Variants in DLG2 observed in about 807,000 individuals in gnomAD.
DLG2 encodes the protein discs large MAGUK scaffold protein 2.
In DLG2, 45 loss-of-function variants were observed where a neutral mutation model predicts 132.5. The observed-to-expected ratio is 0.34, with a 90% CI of 0.27 to 0.44. The LOEUF (loss-of-function observed/expected upper bound fraction) is 0.44. DLG2 is among the 20% of genes least tolerant of loss of function. The probability of loss-of-function intolerance (pLI) is 1.00; values close to 1 mark genes in which losing one functional copy is unlikely to be tolerated. For synonymous variants in DLG2, 424 were observed against 419.6 expected, an observed-to-expected ratio of 1.01 and a Z score of -0.13; for missense variants, 1,045 against 1,196.9, an observed-to-expected ratio of 0.87 and a Z score of 1.87.
At chr11:84,912,140 A>C (rs2154077967) in intron 6 of DLG2, among the ~76,000 whole-genome samples, 1 of 140,742 alleles carries the variant, frequency 7.1e-6, no homozygotes, top group South Asian at 2.6e-4. Context: ...CTTGGCTTTC[A>C]CAATTTATTT....
At chr11:84,861,922 A>G (rs1183457127) in intron 6 of DLG2, among the ~76,000 whole-genome samples, 1 of 151,712 alleles carries the variant, frequency 6.6e-6, no homozygotes, top group Non-Finnish European at 1.5e-5. Flanking sequence ...CATTCTCAGT[A>G]AACTATCGCA....
chr11:85,008,288 A>T (rs2058873031), intron 6 of DLG2, among the ~76,000 whole-genome samples: 1 of 152,142 alleles, frequency 6.6e-6, no homozygotes, highest in African/African-American at 2.4e-5. Flanking sequence ...TAAAAATATG[A>T]TATAATAAAA....
chr11:85,543,769 T>C (rs2076123236), intron 3 of DLG2, among the ~76,000 whole-genome samples: 1 of 152,200 alleles, frequency 6.6e-6, no homozygotes, highest in Non-Finnish European at 1.5e-5. Flanking sequence ...ATGTTTGTCG[T>C]CTGCATAAAT....
intron 3 of DLG2, among the ~76,000 whole-genome samples, chr11:85,571,962 T>A (rs192691930): frequency 1.8e-4 from 27 of 152,280 alleles, no homozygotes. Context: ...GCAGGTTTTA[T>A]TTCCAGGGGT....
chr11:84,946,455 C>T (rs1720301299), intron 6 of DLG2, among the ~76,000 whole-genome samples: 1 of 152,020 alleles, frequency 6.6e-6, no homozygotes, highest in African/African-American at 2.4e-5. Flanking sequence ...TGTGTTATTC[C>T]CTTCAAGGCA....
chr11:85,084,729 C>A (rs190920914), intron 6 of DLG2, among the ~76,000 whole-genome samples: 68 of 152,226 alleles, frequency 4.5e-4, no homozygotes, highest in African/African-American at 1.5e-3. Context: ...ATAGACATAA[C>A]CTACCATTCC....
At chr11:84,976,361 G>A (rs186630796) in intron 6 of DLG2, among the ~76,000 whole-genome samples, 1 of 152,208 alleles carries the variant, frequency 6.6e-6, no homozygotes, top group Non-Finnish European at 1.5e-5. Context: ...ACGACTGTAA[G>A]ACTGAGTATA....
In DLG2 at chr11:83,620,837, T is replaced by A. The variant is rs920955821; in HGVS notation, c.1940+12374A>T. Among the ~76,000 whole-genome samples the A allele has an allele frequency of 1.6e-3, 180 of 112,590 alleles. 1 individual carries two copies. Among genetic ancestry groups the A allele is most frequent in the African/African-American group, 6.1e-3 (169 of 27,910 alleles). The allele number at this position is 112,590 out of a possible 152,430, so 73.9% of individuals were successfully genotyped here. On this transcript the variant is annotated intron_variant, in intron 19 of 27. Coordinates refer to ENST00000376104, the MANE Select transcript of DLG2 (RefSeq NM_001142699.3). ...GTGAGCCGAGATCCCGCCACTGCAC[T>A]CCAGCCTGGGCGACAGAGCGAGACT...
chr11:85,525,057 T>C (rs147746384), intron 3 of DLG2: 1 of 152,292 alleles, frequency 6.6e-6, no homozygotes, highest in African/African-American at 2.4e-5. Flanking sequence ...ACATGTAAAA[T>C]TATAACATTT....
At chr11:84,646,878 GGGACATCCTCTC>G (rs2099675640) in intron 6 of DLG2, among the ~76,000 whole-genome samples, 1 of 152,120 alleles carries the variant, frequency 6.6e-6, no homozygotes. Flanking sequence ...GTCTAATGAT[GGGACATCCTCTC>G]TTCACACATT....
At chr11:83,808,080 G>A (rs766796054) in intron 17 of DLG2, among the ~76,000 whole-genome samples, 3 of 151,926 alleles carry the variant, frequency 2.0e-5, no homozygotes, top group Non-Finnish European at 4.4e-5. Context: ...CAGCAGCCTC[G>A]TGCCGGTCAT....
chr11:85,597,492 G>T (rs1160309016), intron 3 of DLG2, among the ~76,000 whole-genome samples: 2 of 151,860 alleles, frequency 1.3e-5, no homozygotes. Context: ...CAGCTAAGAT[G>T]ATTACAGTTA....
intron 6 of DLG2, among the ~76,000 whole-genome samples, chr11:84,691,369 T>C (rs570118168): frequency 1.3e-5 from 2 of 151,920 alleles, no homozygotes; most frequent in Admixed American, 1.3e-4. Flanking sequence ...AGACAAGATA[T>C]ACATTATTTT....
rs150458600 is a variant in DLG2, at chr11:84,355,784, C to T, written c.520-104493G>A. Among the ~76,000 whole-genome samples the T allele has an allele frequency of 2.9e-3, 435 of 152,134 alleles. 1 individual carries two copies. Among genetic ancestry groups the T allele is most frequent in the African/African-American group, 9.9e-3 (412 of 41,512 alleles). On this transcript the variant is annotated intron_variant, in intron 7 of 27. Coordinates refer to ENST00000376104, the MANE Select transcript of DLG2 (RefSeq NM_001142699.3). ...AGTAAATGAGACATTGTATAAAAAT[C>T]GTGCCAAAAGATAGATTAGAAGGGT...
intron 21 of DLG2, among the ~76,000 whole-genome samples, chr11:83,487,927 C>A (rs2093618427): frequency 1.3e-5 from 2 of 151,772 alleles, no homozygotes; most frequent in Non-Finnish European, 2.9e-5. Flanking sequence ...ATAGTGGGCA[C>A]AGAGATTGGG....
intron 6 of DLG2, among the ~76,000 whole-genome samples, chr11:84,856,787 T>G (rs539012506): frequency 6.6e-6 from 1 of 152,168 alleles, no homozygotes; most frequent in Non-Finnish European, 1.5e-5. Flanking sequence ...TCTCCTAGTG[T>G]CTGCCTTCTC....
At chr11:84,118,463 T>C (rs1166551603) in intron 9 of DLG2, among the ~76,000 whole-genome samples, 1 of 152,196 alleles carries the variant, frequency 6.6e-6, no homozygotes, top group Non-Finnish European at 1.5e-5. Flanking sequence ...TCCCATCTAC[T>C]AGAGTGAAGT....
intron 3 of DLG2, among the ~76,000 whole-genome samples, chr11:85,458,243 T>A (rs1350133885): frequency 2.0e-5 from 3 of 152,246 alleles, no homozygotes; most frequent in Non-Finnish European, 2.9e-5. Flanking sequence ...CACTTGTGAT[T>A]GCATTATAAA....
intron 6 of DLG2, among the ~76,000 whole-genome samples, chr11:84,733,349 G>A (rs991663931): frequency 9.9e-5 from 15 of 152,054 alleles, no homozygotes; most frequent in Admixed American, 9.2e-4. Context: ...GGTGTGAGAT[G>A]GTATCTCATT....
Sources: allele counts gnomAD v4.1 joint callset (sites outside exome capture counted in the v4.1 genomes callset), GRCh38; gene constraint gnomAD v4.1.1; transcripts MANE v1.5; gene names NCBI Gene and HGNC (gene_info 2026-07-23, HGNC 2026-07-21).